The following SLC12A7 variants were observed in gnomAD, a reference collection of about 807,000 sequenced individuals.
SLC12A7 encodes the protein solute carrier family 12 member 7, also known as K-Cl cotransporter 4.
SLC12A7 carries 100 observed loss-of-function variants against 120.6 expected under a neutral mutation model. The ratio of observed to expected loss-of-function variants is 0.83; its 90% CI spans 0.71 to 0.98. The LOEUF is 0.98. SLC12A7 is among the 50% of genes least tolerant of loss of function. The probability of loss-of-function intolerance (pLI) is 0.00; values close to 1 mark genes in which losing one functional copy is unlikely to be tolerated. For synonymous variants in SLC12A7, 760 were observed against 678.0 expected (o/e 1.12, Z -1.88); for missense variants, 1,373 against 1,548.1 (o/e 0.89, Z 1.90).
At chr5:1,138,131 C>T in the SLC12A7 span, among the ~76,000 whole-genome samples, 1 of 152,186 alleles carries the variant, frequency 6.6e-6, no homozygotes, top group African/African-American at 2.4e-5. Flanking sequence ...AGTGTTACAG[C>T]TCTTAAACGT....
the SLC12A7 span, among the ~76,000 whole-genome samples, chr5:1,121,396 G>A: frequency 6.6e-6 from 1 of 152,214 alleles, no homozygotes; most frequent in African/African-American, 2.4e-5. Flanking sequence ...CTTGCTGGGG[G>A]GCAGGGCCGA....
intron 1 of SLC12A7, among the ~76,000 whole-genome samples, chr5:1,099,191 C>G (rs1741720334): frequency 6.6e-6 from 1 of 152,180 alleles, no homozygotes. Context: ...TCAGGTCTCC[C>G]CAGCCAAACC....
chr5:1,154,354 A>AACACACAC, the SLC12A7 span, among the ~76,000 whole-genome samples: 3,042 of 141,742 alleles, frequency 0.021, 48 homozygotes, highest in East Asian at 0.038. Context: ...TGGTGTCCGC[A>AACACACAC]ACACACACAC....
intron 23 of SLC12A7, 69 bp downstream of exon 23, chr5:1,053,280 C>T (rs574679708): frequency 2.6e-5 from 41 of 1,556,606 alleles, no homozygotes; most frequent in Non-Finnish European, 3.2e-5. Context: ...CACCCACAAA[C>T]CCAGGTCTTA....
the SLC12A7 span, among the ~76,000 whole-genome samples, chr5:1,154,390 C>CACACACACAGAG: frequency 4.6e-5 from 7 of 151,160 alleles, no homozygotes; most frequent in African/African-American, 1.7e-4. Flanking sequence ...CACACACACA[C>CACACACACAGAG]AGAGACACAT....
chr5:1,066,287 A>G (rs987900331), intron 17 of SLC12A7, among the ~76,000 whole-genome samples: 1 of 152,138 alleles, frequency 6.6e-6, no homozygotes, highest in Non-Finnish European at 1.5e-5. Context: ...GCACATCTAC[A>G]GACACAGCAG....
intron 21 of SLC12A7, among the ~76,000 whole-genome samples, chr5:1,058,260 G>A (rs1051881878): frequency 6.6e-6 from 1 of 152,376 alleles, no homozygotes; most frequent in East Asian, 1.9e-4. Context: ...AAGGGGAAGT[G>A]GCGCCCTCAC....
In SLC12A7 at chr5:1,093,565, C is replaced by T. The variant is rs374069610; in HGVS notation, c.310G>A (p.Glu104Lys). ...NLSQGVVEHE[E>K]DEESRRREAK... ...TCCCGCCGCCGGCTCTCCTCGTCCT[C>T]CTCGTGCTCCACCACGCCCTGGCTC... The change falls in exon 3 of 24, where the codon GAG becomes AAG. Residue 104 changes from glutamate (E) to lysine (K), a missense_variant. Glu to Lys is a moderately conservative substitution (Grantham distance 56). Coordinates refer to ENST00000264930, the MANE Select transcript of SLC12A7 (RefSeq NM_006598.3). The T allele has an allele frequency of 2.8e-5, 45 of 1,605,796 alleles. No homozygotes were observed. Among genetic ancestry groups the T allele is most frequent in the Non-Finnish European group, 3.7e-5 (44 of 1,177,114 alleles).
At chr5:1,110,253 A>G (rs942593983) in intron 1 of SLC12A7, among the ~76,000 whole-genome samples, 4 of 152,244 alleles carry the variant, frequency 2.6e-5, no homozygotes, top group African/African-American at 9.6e-5. Context: ...TTCAGCTCAC[A>G]CCACAGGGCC....
At chr5:1,132,941 C>T in the SLC12A7 span, among the ~76,000 whole-genome samples, 6 of 152,168 alleles carry the variant, frequency 3.9e-5, no homozygotes, top group African/African-American at 1.2e-4. Flanking sequence ...GAGACAGTCT[C>T]GCTCTGTCAT....
At chr5:1,084,456 C>G (rs1413574002) in intron 7 of SLC12A7, among the ~76,000 whole-genome samples, 1 of 152,214 alleles carries the variant, frequency 6.6e-6, no homozygotes, top group East Asian at 1.9e-4. Context: ...TGTCTGAGTT[C>G]AAGCCACCCT....
Position 1,053,419 on chromosome 5 carries a change from C to G in SLC12A7, c.3090G>C (p.Lys1030Asn). The G allele has an allele frequency of 6.2e-7, 1 of 1,614,006 alleles. No individual in the cohort carries two copies. The highest frequency in any genetic ancestry group is 8.5e-7 in the Non-Finnish European group (1 of 1,180,018). The part of the protein sequence containing the change: ...AVKLNGVVLN[K>N]SQDAQLVLLN... ...GCAGGACCAGCTGCGCATCCTGGGACTTGTTGAGGACGACGCCATTGAGCT... is the reference window on the plus strand; with the variant it reads ...GCAGGACCAGCTGCGCATCCTGGGAGTTGTTGAGGACGACGCCATTGAGCT... The change falls in exon 23 of 24, where the codon AAG (lysine) becomes AAC (asparagine). Residue 1030 changes from lysine to asparagine, a missense_variant. Lys to Asn is a moderately conservative substitution (Grantham distance 94, BLOSUM62 0). Coordinates refer to ENST00000264930, the MANE Select transcript of SLC12A7 (RefSeq NM_006598.3).
At chr5:1,145,282 G>A in the SLC12A7 span, among the ~76,000 whole-genome samples, 2 of 152,284 alleles carry the variant, frequency 1.3e-5, no homozygotes, top group Non-Finnish European at 2.9e-5. This position sits in a 1 kb window ranked among gnomAD's most constrained non-coding sequence, Gnocchi z 4.4. Flanking sequence ...CACACGGTCT[G>A]TGCAGTAAAT....
intron 17 of SLC12A7, among the ~76,000 whole-genome samples, chr5:1,070,211 C>T (rs1416213859): frequency 0.021 from 16 of 764 alleles, 3 homozygotes; most frequent in African/African-American, 0.04. Context: ...AGCACACGGG[C>T]ATCACACTTA....
the SLC12A7 span, among the ~76,000 whole-genome samples, chr5:1,140,625 C>G: frequency 6.6e-6 from 1 of 152,252 alleles, no homozygotes; most frequent in East Asian, 1.9e-4. Flanking sequence ...TCCCCGTGCT[C>G]AGGAACTCGC....
intron 17 of SLC12A7, among the ~76,000 whole-genome samples, chr5:1,066,829 TGGCCTGC>T (rs1342503613): frequency 6.6e-6 from 1 of 152,108 alleles, no homozygotes; most frequent in African/African-American, 2.4e-5. Flanking sequence ...GGAGGCAGCG[TGGCCTGC>T]GGTCTCCTTC....
In SLC12A7 at chr5:1,083,709, A is replaced by T. The variant is rs375983374; in HGVS notation, c.1129+36T>A. 4 of 1,599,172 alleles carry T rather than the reference A, an allele frequency of 2.5e-6. No homozygotes were observed. The African/African-American group carries it at 4.0e-5, about 16-fold the overall frequency. On this transcript the variant is annotated intron_variant, in intron 8 of 23. Coordinates refer to ENST00000264930, the MANE Select transcript of SLC12A7 (RefSeq NM_006598.3). Reference sequence around the variant, plus strand: ...AGGGCCAGCGCCTGCTGCCCCCGCCACCCCCCAGCTCCAGCTGCAGCCCTG... The same window carrying T: ...AGGGCCAGCGCCTGCTGCCCCCGCCTCCCCCCAGCTCCAGCTGCAGCCCTG...
the SLC12A7 span, among the ~76,000 whole-genome samples, chr5:1,155,605 C>G: frequency 1.3e-5 from 2 of 151,388 alleles, no homozygotes; most frequent in African/African-American, 4.8e-5. Flanking sequence ...AGCCCCACCC[C>G]CGCCGGCCCG....
chr5:1,064,796 G>A (rs1736770231), intron 18 of SLC12A7, among the ~76,000 whole-genome samples: 2 of 148,184 alleles, frequency 1.3e-5, no homozygotes, highest in Admixed American at 1.3e-4. Flanking sequence ...GGGACAGCGA[G>A]GAGACGGCGA....
Sources: allele counts gnomAD v4.1 joint callset (sites outside exome capture counted in the v4.1 genomes callset), GRCh38; gene constraint gnomAD v4.1.1; non-coding constraint Gnocchi (gnomAD v3.1); transcripts MANE v1.5; gene names NCBI Gene and HGNC (gene_info 2026-07-23, HGNC 2026-07-21).